Variants in CNGA4 observed in about 807,000 individuals in gnomAD.
CNGA4 encodes the protein cyclic nucleotide gated channel subunit alpha 4, also known as cyclic nucleotide-gated channel alpha-4.
Under a neutral mutation model 45.6 loss-of-function variants are expected in CNGA4, and 32 were observed. The observed-to-expected ratio is 0.70, with a 90% CI of 0.53 to 0.94. The LOEUF (loss-of-function observed/expected upper bound fraction) is 0.94. CNGA4 is among the 40% of genes least tolerant of loss of function. The pLI is 0.00. For synonymous variants in CNGA4, 293 were observed against 304.6 expected (o/e 0.96, Z 0.40); for missense variants, 726 against 755.1 (o/e 0.96, Z 0.45).
chr11:6,244,155 G>T lies in CNGA4; in HGVS notation c.1474G>T (p.Ala492Ser), dbSNP rs1298752800. The change falls in exon 6 of 6, where the codon GCC becomes TCC. Residue 492 changes from alanine to serine, a missense_variant. Transcript: ENST00000379936. This position sits in a 1 kb window ranked among gnomAD's most constrained non-coding sequence, Gnocchi z 4.5. ...AEAAEIALQE[A>S]TESRLRGLDQ... is the part of the protein sequence containing the mutation. Reference sequence around the variant, plus strand: ...GGCAGCTGAGATCGCCCTGCAGGAGGCCACAGAGTCCCGGCTACGAGGCCT... The same window carrying T: ...GGCAGCTGAGATCGCCCTGCAGGAGTCCACAGAGTCCCGGCTACGAGGCCT... 2 of 1,614,210 alleles carry T rather than the reference G, an allele frequency of 1.2e-6. No homozygotes were observed. The highest frequency in any genetic ancestry group is 3.3e-5 in the Admixed American group (2 of 60,026).
At position 6,240,798 on chromosome 11, in the gene CNGA4, AG is replaced by A; in HGVS notation, c.917+88del. The A allele has an allele frequency of 6.8e-7, 1 of 1,470,520 alleles. No homozygotes were observed. The highest frequency in any genetic ancestry group is 9.3e-7 in the Non-Finnish European group (1 of 1,077,838). The allele number at this position is 1,470,520 out of a possible 1,614,324, so 91.1% of individuals were successfully genotyped here. The stretch of plus-strand genomic sequence containing the variant: ...GTAACTGGGTCCTTAGTGCCTGGTG[AG>A]CCAGGCAAGGCTGTCAAAATGTAGC... On this transcript the variant is annotated intron_variant, in intron 4 of 5. Transcript: ENST00000379936. This position sits in a 1 kb window ranked among gnomAD's most constrained non-coding sequence, Gnocchi z 4.9.
rs1159700854 is a variant in CNGA4 at position 6,240,818 on chromosome 11, A to G, written c.917+107A>G. The G allele has an allele frequency of 7.3e-7, 1 of 1,378,838 alleles. No homozygotes were observed. Among genetic ancestry groups the G allele is most frequent in the Non-Finnish European group, 9.9e-7 (1 of 1,009,366 alleles). The allele number at this position is 1,378,838 out of a possible 1,614,324, so 85.4% of individuals were successfully genotyped here. On this transcript the variant is annotated intron_variant, in intron 4 of 5. Transcript: ENST00000379936. The surrounding 1 kb of genome is among the most constrained non-coding windows in gnomAD (Gnocchi z 4.9). ...TGGTGAGCCAGGCAAGGCTGTCAAA[A>G]TGTAGCATTCAGCCGTGGGTTTGCT...
At chr11:6,239,640 C>G (rs2133873945) in intron 2 of CNGA4, 44 bp from the exon 3 acceptor site, 1 of 1,598,854 alleles carries the variant, frequency 6.3e-7, no homozygotes, top group Middle Eastern at 1.7e-4. Flanking sequence ...GCCTCGCACA[C>G]AGAGGGTGCC....
chr11:6,241,749 C>A lies in CNGA4; in HGVS notation c.1236C>A (p.Tyr412Ter), dbSNP rs1847923319. The stretch of plus-strand genomic sequence containing the variant: ...ATGCTGTGCTCGGTGCAGGGCTCTA[C>A]TTTGGGGAGATCAGCATCATCAACA... Reference protein sequence around the residue: ...TQYAVLGAGLYFGEISIINIK... With the variant: ...TQYAVLGAGL The change falls in exon 5 of 6, where the codon TAC (tyrosine) becomes TAA (stop). Residue 412 changes from tyrosine (Y) to a stop codon, truncating the protein, a stop_gained. Coordinates refer to ENST00000379936, the MANE Select transcript of CNGA4 (RefSeq NM_001037329.4). LOFTEE classifies it high-confidence loss of function. 1 of 1,614,018 alleles carries A rather than the reference C, an allele frequency of 6.2e-7. No individual in the cohort carries two copies. The highest frequency in any genetic ancestry group is 1.3e-5 in the African/African-American group (1 of 74,920).
At position 6,240,436 on chromosome 11, in the gene CNGA4, G is replaced by T. The variant is rs1847899518; in HGVS notation, c.642G>T (p.Leu214=). Residue 214 remains leucine (L), a synonymous_variant, in exon 4 of 6, where the codon CTG becomes CTT. Transcript: ENST00000379936. The surrounding 1 kb of genome is among the most constrained non-coding windows in gnomAD (Gnocchi z 4.9). ...PDPAQPGFER[L]RRQYLYSFYF... The stretch of plus-strand genomic sequence containing the variant: ...CCGCGCAGCCTGGCTTTGAGCGCCT[G>T]CGGCGCCAGTACCTCTATAGCTTTT... 2 of 1,614,110 alleles carry T rather than the reference G, an allele frequency of 1.2e-6. No homozygotes were observed. The highest frequency in any genetic ancestry group is 2.2e-5 in the South Asian group (2 of 91,094).
At chr11:6,235,522 G>T, upstream of CNGA4, 2 of 985,450 alleles carry the variant, frequency 2.0e-6, no homozygotes, top group Non-Finnish European at 2.4e-6. Context: ...AGGAAGGTAC[G>T]GTGAAGGAGC....
At chr11:6,242,271 G>T (rs1172569176) in intron 5 of CNGA4, among the ~76,000 whole-genome samples, 1 of 152,024 alleles carries the variant, frequency 6.6e-6, no homozygotes, top group East Asian at 1.9e-4. Context: ...ATACACATGT[G>T]GGATGAGTGG....
In CNGA4 at chr11:6,239,144, A is replaced by T. The variant is rs1847872315; in HGVS notation, c.-63A>T. On this transcript the variant is annotated 5_prime_UTR_variant, in exon 1 of 6. Coordinates refer to ENST00000379936, the MANE Select transcript of CNGA4 (RefSeq NM_001037329.4). Reference sequence around the variant, plus strand: ...CAGTCAGGCACTAGTGCCCAACTCCAGAAGTCCCCTACAGGCAGAGAGGGT... The same window carrying T: ...CAGTCAGGCACTAGTGCCCAACTCCTGAAGTCCCCTACAGGCAGAGAGGGT... 6.2e-7 allele frequency: 1 copy of T among 1,611,420 alleles called. No individual in the cohort carries two copies. Among genetic ancestry groups the T allele is most frequent in the Non-Finnish European group, 8.5e-7 (1 of 1,179,566 alleles).
In CNGA4 at chr11:6,239,681, C is replaced by T. The variant is rs761908936; in HGVS notation, c.165-3C>T. 11 of 1,613,712 alleles carry T rather than the reference C, an allele frequency of 6.8e-6. No individual in the cohort carries two copies. The South Asian group carries it at 1.2e-4, about 18-fold the overall frequency. ...TTCAATCATGCTTAACCCTGCCCTG[C>T]AGAGCCTGCTTCCCCGACTTGCAGC... On this transcript the variant is annotated splice_polypyrimidine_tract_variant and splice_region_variant and intron_variant, in intron 2 of 5. Transcript: ENST00000379936.
intron 3 of CNGA4, 76 bp from the exon 4 acceptor site, chr11:6,239,990 G>A: frequency 6.5e-7 from 1 of 1,527,274 alleles, no homozygotes; most frequent in Non-Finnish European, 8.9e-7. Flanking sequence ...AGTCTCCCTG[G>A]CCTGCCCTGG....
upstream of CNGA4, chr11:6,239,006 G>C: frequency 7.0e-7 from 1 of 1,424,506 alleles, no homozygotes; most frequent in Non-Finnish European, 9.2e-7. Context: ...ACAGGGCAGA[G>C]TGCTAGAGCT....
Position 6,240,816 on chromosome 11 carries a change from A to G in CNGA4, c.917+105A>G. 2.2e-6 allele frequency: 3 copies of G among 1,388,548 alleles called. No individual in the cohort carries two copies. Among genetic ancestry groups the G allele is most frequent in the Non-Finnish European group, 3.0e-6 (3 of 1,016,792 alleles). 86.0% of individuals were successfully genotyped at this position (1,388,548 alleles called of 1,614,324 possible). On this transcript the variant is annotated intron_variant, in intron 4 of 5. Transcript: ENST00000379936. The surrounding 1 kb of genome is among the most constrained non-coding windows in gnomAD (Gnocchi z 4.9). ...CCTGGTGAGCCAGGCAAGGCTGTCA[A>G]AATGTAGCATTCAGCCGTGGGTTTG...
intron 5 of CNGA4, chr11:6,242,134 T>G: frequency 2.3e-6 from 1 of 427,146 alleles, no homozygotes; most frequent in Non-Finnish European, 4.1e-6. Flanking sequence ...TCTAAGTGCT[T>G]CACATGATAT....
At position 6,240,308 on chromosome 11, in the gene CNGA4, C is replaced by T. The variant is rs1209573065; in HGVS notation, c.514C>T (p.Leu172=). 1.4e-5 allele frequency: 23 copies of T among 1,614,080 alleles called. No individual in the cohort carries two copies. Among genetic ancestry groups the T allele is most frequent in the Non-Finnish European group, 1.8e-5 (21 of 1,180,034 alleles). The stretch of plus-strand genomic sequence containing the variant: ...CCCAAATGCCTTTCGCATTGCCAAG[C>T]TGATGCTTTACATTTTTGTCGTCAT... ...AYPNAFRIAK[L]MLYIFVVIHW... Residue 172 remains leucine (L), a synonymous_variant, in exon 4 of 6, where the codon CTG becomes TTG. Coordinates refer to ENST00000379936, the MANE Select transcript of CNGA4 (RefSeq NM_001037329.4). This position sits in a 1 kb window ranked among gnomAD's most constrained non-coding sequence, Gnocchi z 4.9.
At position 6,240,066 on chromosome 11, in the gene CNGA4, G is replaced by A; in HGVS notation, c.272G>A (p.Gly91Glu). Residue 91 changes from glycine (G) to glutamate (E), a missense_variant and splice_region_variant, in exon 4 of 6, where the codon GGA (glycine) becomes GAA (glutamate). By Grantham distance (98) the Gly-to-Glu change is moderately conservative. Coordinates refer to ENST00000379936, the MANE Select transcript of CNGA4 (RefSeq NM_001037329.4). This position sits in a 1 kb window ranked among gnomAD's most constrained non-coding sequence, Gnocchi z 4.9. ...CTTCCTACCGGCTCCCTCTCCCCAG[G>A]ATTCTTGGAACAGGGCATCCTGGTG... ...LLDMVVRFHT[G>E]FLEQGILVVD... The A allele has an allele frequency of 6.2e-7, 1 of 1,603,298 alleles. No homozygotes were observed. The highest frequency in any genetic ancestry group is 8.5e-7 in the Non-Finnish European group (1 of 1,174,132).
In CNGA4 at chr11:6,240,130, C is replaced by G. The variant is rs761091560; in HGVS notation, c.336C>G (p.Thr112=). ...GGATCTCGAGTCGCTACGTTCGCACCTGGAGTTTCTTCTTGGACCTGGCTT... is the reference window on the plus strand; with the variant it reads ...GGATCTCGAGTCGCTACGTTCGCACGTGGAGTTTCTTCTTGGACCTGGCTT... ...KGRISSRYVR[T]WSFFLDLASL... The change falls in exon 4 of 6, where the codon ACC becomes ACG. Residue 112 remains threonine, a synonymous_variant. Coordinates refer to ENST00000379936, the MANE Select transcript of CNGA4 (RefSeq NM_001037329.4). This position sits in a 1 kb window ranked among gnomAD's most constrained non-coding sequence, Gnocchi z 4.9. 1.2e-6 allele frequency: 2 copies of G among 1,614,202 alleles called. No individual in the cohort carries two copies. Among genetic ancestry groups the G allele is most frequent in the South Asian group, 2.2e-5 (2 of 91,086 alleles).
Position 6,240,171 on chromosome 11 carries a change from A to C in CNGA4, c.377A>C (p.Asp126Ala). ...FLDLASLMPT[D>A]VVYVRLGPHT... is the part of the protein sequence containing the mutation. ...GACCTGGCTTCCCTGATGCCCACAGATGTGGTCTACGTGCGGCTGGGCCCG... is the reference window on the plus strand; with the variant it reads ...GACCTGGCTTCCCTGATGCCCACAGCTGTGGTCTACGTGCGGCTGGGCCCG... The change falls in exon 4 of 6, where the codon GAT (aspartate) becomes GCT (alanine). Residue 126 changes from aspartate (D) to alanine (A), a missense_variant. Transcript: ENST00000379936. This position sits in a 1 kb window ranked among gnomAD's most constrained non-coding sequence, Gnocchi z 4.9. 1 of 1,614,174 alleles carries C rather than the reference A, an allele frequency of 6.2e-7. No individual in the cohort carries two copies. The highest frequency in any genetic ancestry group is 1.7e-5 in the Admixed American group (1 of 60,030).
In CNGA4 at chr11:6,240,861, A is replaced by G. The variant is rs1847908477; in HGVS notation, c.917+150A>G. 2.3e-5 allele frequency: 22 copies of G among 955,526 alleles called. 2 individuals carry two copies. The South Asian group carries it at 3.4e-4, about 15-fold the overall frequency. The allele number at this position is 955,526 out of a possible 1,614,324, so 59.2% of individuals were successfully genotyped here. A position where few individuals can be genotyped will look rare whatever the true frequency, so the allele number is the denominator to read the frequency against. Reference sequence around the variant, plus strand: ...GGTTTGCTGGCTGGGGCTTGGAAAAAGGGAACTTCTTTCAACTGAGGGAAT... The same window carrying G: ...GGTTTGCTGGCTGGGGCTTGGAAAAGGGGAACTTCTTTCAACTGAGGGAAT... On this transcript the variant is annotated intron_variant, in intron 4 of 5. Transcript: ENST00000379936. This position sits in a 1 kb window ranked among gnomAD's most constrained non-coding sequence, Gnocchi z 4.9.
At chr11:6,241,176 T>C (rs1183487048) in intron 4 of CNGA4, among the ~76,000 whole-genome samples, 1 of 152,048 alleles carries the variant, frequency 6.6e-6, no homozygotes, top group Non-Finnish European at 1.5e-5. Flanking sequence ...CTGAGGTAGC[T>C]AAGGGTAGGG....
Sources: allele counts gnomAD v4.1 joint callset (sites outside exome capture counted in the v4.1 genomes callset), GRCh38; gene constraint gnomAD v4.1.1; non-coding constraint Gnocchi (gnomAD v3.1); transcripts MANE v1.5; gene names NCBI Gene and HGNC (gene_info 2026-07-23, HGNC 2026-07-21).